MBNL1: variants seen among roughly 807,000 people sequenced by gnomAD.
The protein encoded by MBNL1 is muscleblind-like protein 1.
MBNL1 carries 8 observed loss-of-function variants against 42.2 expected under a neutral mutation model. The ratio of observed to expected loss-of-function variants is 0.19; its 90% CI spans 0.11 to 0.34. The LOEUF is 0.34. Among genes scored for constraint, MBNL1 ranks in the 10% least tolerant of loss-of-function variants. The pLI is 1.00. For synonymous variants in MBNL1, 169 were observed against 173.9 expected, an observed-to-expected ratio of 0.97 and a Z score of 0.22; for missense variants, 309 against 495.3, an observed-to-expected ratio of 0.62 and a Z score of 3.57.
intron 2 of MBNL1, among the ~76,000 whole-genome samples, chr3:152,392,155 T>A (rs1306274390): frequency 6.6e-6 from 1 of 152,174 alleles, no homozygotes. Context: ...TAAAGACTTT[T>A]CTCTTTACGT....
At chr3:152,250,064 C>G (rs2034253718) in intron 2 of MBNL1, among the ~76,000 whole-genome samples, 1 of 151,840 alleles carries the variant, frequency 6.6e-6, no homozygotes. Context: ...ATGCCTCCAG[C>G]TTTGTTCTTT....
At chr3:152,396,438 G>C (rs968554524) in intron 2 of MBNL1, among the ~76,000 whole-genome samples, 2 of 152,082 alleles carry the variant, frequency 1.3e-5, no homozygotes, top group African/African-American at 4.8e-5. Flanking sequence ...CTTGATATCA[G>C]ACCTGATTTG....
chr3:152,423,580 T>G (rs1405300874), intron 3 of MBNL1, among the ~76,000 whole-genome samples: 1 of 152,242 alleles, frequency 6.6e-6, no homozygotes, highest in East Asian at 1.9e-4. Flanking sequence ...ATCACTCATT[T>G]TGTGAGGCCA....
At chr3:152,340,940 A>C in intron 2 of MBNL1, 2 of 1,563,474 alleles carry the variant, frequency 1.3e-6, no homozygotes, top group Non-Finnish European at 8.6e-7. Flanking sequence ...AGGAGACTGC[A>C]GCAGGCCTGC....
rs2063361198 is a variant in MBNL1 at position 152,306,762 on chromosome 3, T to C, written c.174+6395T>C. On this transcript the variant is annotated intron_variant, in intron 2 of 9. Coordinates refer to ENST00000324210, the MANE Select transcript of MBNL1 (RefSeq NM_021038.5). The stretch of plus-strand genomic sequence containing the variant: ...AAAAGAGTGTTTATTTTTCCTCTCA[T>C]AAAACTTTCAGAATTAAGTAAATCT... 2.0e-5 allele frequency among the ~76,000 whole-genome samples: 3 copies of C among 152,254 alleles called. No homozygotes were observed. In the South Asian group the frequency reaches 6.2e-4, roughly 32 times the overall value.
At chr3:152,311,579 ATTT>A (rs2066504000) in intron 2 of MBNL1, among the ~76,000 whole-genome samples, 2 of 151,864 alleles carry the variant, frequency 1.3e-5, no homozygotes, top group Admixed American at 1.3e-4. Flanking sequence ...TCAGTAGTTT[ATTT>A]TAATTTTTTG....
chr3:152,425,796 C>G (rs1385795433), intron 3 of MBNL1, among the ~76,000 whole-genome samples: 1 of 152,026 alleles, frequency 6.6e-6, no homozygotes, highest in Non-Finnish European at 1.5e-5. Flanking sequence ...TGTGGCAATT[C>G]CTGAAGGATC....
chr3:152,270,884 C>T (rs1576899475), intron 1 of MBNL1, among the ~76,000 whole-genome samples: 1 of 152,144 alleles, frequency 6.6e-6, no homozygotes, highest in East Asian at 1.9e-4. Context: ...GGTTTCCTTG[C>T]TGAAGACTAC....
intron 2 of MBNL1, among the ~76,000 whole-genome samples, chr3:152,320,216 G>T (rs1265270236): frequency 6.6e-6 from 1 of 152,160 alleles, no homozygotes; most frequent in Non-Finnish European, 1.5e-5. Context: ...CAACTTTAGA[G>T]AATTTCTTTT....
intron 2 of MBNL1, among the ~76,000 whole-genome samples, chr3:152,414,717 A>ACT (rs1339983067): frequency 6.6e-6 from 1 of 152,052 alleles, no homozygotes. Context: ...AATAATTGAA[A>ACT]CTCTTTAAGC....
chr3:152,342,472 T>C (rs150318028), intron 2 of MBNL1, among the ~76,000 whole-genome samples: 247 of 152,076 alleles, frequency 1.6e-3, no homozygotes, highest in African/African-American at 5.5e-3. Flanking sequence ...TGTTATTATG[T>C]AATGTTTCCA....
At position 152,455,523 on chromosome 3, in the gene MBNL1, T is replaced by TG; in HGVS notation, c.962-18dup. The TG allele has an allele frequency of 6.2e-7, 1 of 1,609,678 alleles. No individual in the cohort carries two copies. On this transcript the variant is annotated intron_variant, in intron 6 of 9. Transcript: ENST00000324210. ...TCCCTTTTCAAATCCACCTTCCTGT[T>TG]GCAATGCATGATGGGCAGGCTCAAT...
At chr3:152,367,922 G>A (rs1030138086) in intron 2 of MBNL1, among the ~76,000 whole-genome samples, 1 of 151,848 alleles carries the variant, frequency 6.6e-6, no homozygotes, top group African/African-American at 2.4e-5. Flanking sequence ...CTGGATATCA[G>A]CCCTTTGTCA....
chr3:152,310,531 A>G (rs1462461411), intron 2 of MBNL1, among the ~76,000 whole-genome samples: 2 of 152,220 alleles, frequency 1.3e-5, no homozygotes, highest in East Asian at 1.9e-4. Flanking sequence ...TAGAGAAACT[A>G]CATATTAGAC....
intron 3 of MBNL1, among the ~76,000 whole-genome samples, chr3:152,420,775 A>G (rs918488100): frequency 6.6e-6 from 1 of 152,222 alleles, no homozygotes; most frequent in African/African-American, 2.4e-5. Flanking sequence ...GAGTTTGACA[A>G]ATTGACAGAA....
chr3:152,389,776 A>G (rs1326616541), intron 2 of MBNL1, among the ~76,000 whole-genome samples: 1 of 152,192 alleles, frequency 6.6e-6, no homozygotes, highest in Non-Finnish European at 1.5e-5. Flanking sequence ...CTCAGAGATT[A>G]CTATACATGA....
At chr3:152,400,164 A>G (rs1380302957) in intron 2 of MBNL1, among the ~76,000 whole-genome samples, 2 of 152,206 alleles carry the variant, frequency 1.3e-5, no homozygotes, top group African/African-American at 4.8e-5. Context: ...TTAATGGTAG[A>G]CGTTGTAATT....
chr3:152,429,946 G>A (rs978378357), intron 3 of MBNL1, among the ~76,000 whole-genome samples: 1 of 152,116 alleles, frequency 6.6e-6, no homozygotes, highest in African/African-American at 2.4e-5. Flanking sequence ...CTGAATAGTT[G>A]ATGTTTCACA....
chr3:152,437,574 C>T (rs1243764678), intron 4 of MBNL1, among the ~76,000 whole-genome samples: 1 of 152,036 alleles, frequency 6.6e-6, no homozygotes, highest in African/African-American at 2.4e-5. Context: ...ACATTTAGGT[C>T]ATTTTCTTGT....
Sources: gnomAD v4.1 joint callset for allele counts (sites outside exome capture counted in the v4.1 genomes callset) on GRCh38, gnomAD v4.1.1 for gene constraint, MANE v1.5 for transcripts, NCBI Gene and HGNC (gene_info 2026-07-23, HGNC 2026-07-21) for gene names.